Variants in LRRIQ3 observed in about 807,000 individuals in gnomAD.
LRRIQ3 encodes leucine-rich repeat and IQ domain-containing protein 3.
Under a neutral mutation model 59.3 loss-of-function variants are expected in LRRIQ3, and 75 were observed. The ratio of observed to expected loss-of-function variants is 1.26; its 90% confidence interval spans 1.05 to 1.53. The LOEUF is 1.53. LRRIQ3 is among the 40% of genes most tolerant of loss of function. The probability of loss-of-function intolerance (pLI) is 0.00; values close to 1 mark genes in which losing one functional copy is unlikely to be tolerated. For synonymous variants in LRRIQ3, 250 were observed against 231.3 expected, an observed-to-expected ratio of 1.08 and a Z score of -0.73; for missense variants, 831 against 710.0, an observed-to-expected ratio of 1.17 and a Z score of -1.94.
intron 4 of LRRIQ3, chr1:74,144,463 A>G (rs1647425435): frequency 2.9e-6 from 1 of 345,644 alleles, no homozygotes; most frequent in Non-Finnish European, 5.8e-6. Flanking sequence ...ATCAACTTAA[A>G]AATTAGAAAA....
intron 5 of LRRIQ3, among the ~76,000 whole-genome samples, chr1:74,099,628 C>A (rs1341481243): frequency 6.6e-6 from 1 of 152,102 alleles, no homozygotes; most frequent in Non-Finnish European, 1.5e-5. Flanking sequence ...GACCAATATC[C>A]CTGATGAACA....
rs180931635 is a variant in LRRIQ3, at chr1:74,131,676, C to T, written c.708-22123G>A. 4.6e-5 allele frequency among the ~76,000 whole-genome samples: 7 copies of T among 152,200 alleles called. No individual in the cohort carries two copies. The East Asian group carries it at 1.4e-3, about 29-fold the overall frequency. On this transcript the variant is annotated intron_variant, in intron 4 of 7. Transcript: ENST00000354431. ...AAAGGCCTTTGACAAAATTCAACAA[C>T]CCTTCATGCTAAGAACTCTCAATAA...
chr1:74,181,140 C>T (rs534419017), intron 3 of LRRIQ3: 1 of 222,696 alleles, frequency 4.5e-6, no homozygotes, highest in Admixed American at 5.2e-5. Context: ...AAAGCGCCTA[C>T]CACAATGGCA....
intron 3 of LRRIQ3, chr1:74,180,931 A>G (rs1649940108): frequency 1.4e-6 from 1 of 728,532 alleles, no homozygotes; most frequent in Non-Finnish European, 2.2e-6. Context: ...AGCAACTAAC[A>G]CTAGCTGACA....
At chr1:74,063,306 G>A (rs747589362) in intron 6 of LRRIQ3, among the ~76,000 whole-genome samples, 13 of 151,842 alleles carry the variant, frequency 8.6e-5, no homozygotes, top group Non-Finnish European at 1.8e-4. Flanking sequence ...TTTTCATAAC[G>A]TGGTATACTT....
intron 3 of LRRIQ3, among the ~76,000 whole-genome samples, chr1:74,173,083 C>T (rs368851329): frequency 6.6e-6 from 1 of 152,032 alleles, no homozygotes; most frequent in African/African-American, 2.4e-5. Context: ...AGGTGGACCA[C>T]GAGGTCAAGA....
At chr1:74,054,739 A>AACATAT (rs1654470709) in intron 6 of LRRIQ3, among the ~76,000 whole-genome samples, 1 of 141,798 alleles carries the variant, frequency 7.1e-6, no homozygotes, top group Non-Finnish European at 1.5e-5. Context: ...AGAAAACACA[A>AACATAT]ATATATATAT....
chr1:74,109,597 A>AT (rs1268488068), intron 4 of LRRIQ3, 44 bp from the exon 5 acceptor site: 2 of 1,486,958 alleles, frequency 1.3e-6, no homozygotes, highest in African/African-American at 2.9e-5. Context: ...GTTTTTTGCC[A>AT]TTAAAAAACA....
At chr1:74,059,956 A>G (rs1272402357) in intron 6 of LRRIQ3, among the ~76,000 whole-genome samples, 1 of 151,968 alleles carries the variant, frequency 6.6e-6, no homozygotes, top group Non-Finnish European at 1.5e-5. Flanking sequence ...TTGTATTCTT[A>G]AATTATTTTC....
intron 5 of LRRIQ3, among the ~76,000 whole-genome samples, chr1:74,102,454 T>C (rs923208222): frequency 1.3e-5 from 2 of 151,980 alleles, no homozygotes; most frequent in Non-Finnish European, 2.9e-5. Context: ...ATGGCTATTA[T>C]AAAAAATAGT....
intron 6 of LRRIQ3, among the ~76,000 whole-genome samples, 185 bp downstream of exon 6, chr1:74,074,476 A>T (rs185916340): frequency 1.3e-5 from 2 of 152,196 alleles, no homozygotes; most frequent in East Asian, 3.9e-4. Context: ...CACGGATTAC[A>T]TGTACTTTTT....
intron 6 of LRRIQ3, among the ~76,000 whole-genome samples, chr1:74,069,006 A>C (rs1408864851): frequency 6.6e-6 from 1 of 152,086 alleles, no homozygotes; most frequent in African/African-American, 2.4e-5. Context: ...ATTTGGAGCA[A>C]GACAAAGTAT....
chr1:74,054,937 ATAT>A (rs995885848), intron 6 of LRRIQ3, among the ~76,000 whole-genome samples: 3 of 147,530 alleles, frequency 2.0e-5, no homozygotes, highest in South Asian at 2.1e-4. Flanking sequence ...ATTGTATTAC[ATAT>A]TATGAATTAT....
At chr1:74,119,686 T>C (rs1203470924) in intron 4 of LRRIQ3, among the ~76,000 whole-genome samples, 1 of 152,204 alleles carries the variant, frequency 6.6e-6, no homozygotes, top group Non-Finnish European at 1.5e-5. Context: ...AAATAAATCA[T>C]CCTTTCCCCA....
chr1:74,026,196 C>A lies in LRRIQ3; in HGVS notation c.*617G>T, dbSNP rs1471316218. 3 of 151,940 alleles carry A rather than the reference C, an allele frequency of 2.0e-5. No homozygotes were observed. Among genetic ancestry groups the A allele is most frequent in the African/African-American group, 7.2e-5 (3 of 41,406 alleles). The allele number at this position is 151,940 out of a possible 1,614,324, so 9.4% of individuals were successfully genotyped here. On this transcript the variant is annotated 3_prime_UTR_variant, in exon 8 of 8. Transcript: ENST00000354431. ...GTCTTCACATGTATACCAAACAGGG[C>A]AAACCCATCAAAAGTAAATATACAA...
intron 4 of LRRIQ3, among the ~76,000 whole-genome samples, chr1:74,135,475 C>T (rs1647106030): frequency 6.6e-6 from 1 of 151,826 alleles, no homozygotes; most frequent in Admixed American, 6.6e-5. Flanking sequence ...AAACATTCTC[C>T]AGGATATATC....
intron 7 of LRRIQ3, among the ~76,000 whole-genome samples, chr1:74,028,422 T>C (rs1258578186): frequency 6.6e-6 from 1 of 152,076 alleles, no homozygotes; most frequent in Non-Finnish European, 1.5e-5. Context: ...ACATTAAAAA[T>C]TCTTAGGTGA....
chr1:74,084,093 C>T (rs980569105), intron 5 of LRRIQ3: 3 of 1,404,780 alleles, frequency 2.1e-6, no homozygotes, highest in Non-Finnish European at 2.9e-6. Context: ...AGTGTCCAAT[C>T]AGAGACAAGT....
Position 74,026,792 on chromosome 1 carries a change from A to G in LRRIQ3, c.*21T>C, listed in dbSNP as rs1477518486. On this transcript the variant is annotated 3_prime_UTR_variant, in exon 8 of 8. Transcript: ENST00000354431. The stretch of plus-strand genomic sequence containing the variant: ...AATGACTATAATTTAAGATGATCAT[A>G]GGATGTGATCTGGCATTGATTCATT... The G allele has an allele frequency of 6.4e-7, 1 of 1,573,508 alleles. No individual in the cohort carries two copies. The highest frequency in any genetic ancestry group is 8.6e-7 in the Non-Finnish European group (1 of 1,161,138).
Sources: allele counts gnomAD v4.1 joint callset (sites outside exome capture counted in the v4.1 genomes callset), GRCh38; gene constraint gnomAD v4.1.1; transcripts MANE v1.5; gene names NCBI Gene and HGNC (gene_info 2026-07-23, HGNC 2026-07-21).